PI4KB: variants seen among roughly 807,000 people sequenced by gnomAD.
PI4KB encodes the protein phosphatidylinositol 4-kinase beta.
In PI4KB, 23 loss-of-function variants were observed where a neutral mutation model predicts 81.4. The ratio of observed to expected loss-of-function variants is 0.28; its 90% CI spans 0.20 to 0.40. PI4KB has a LOEUF of 0.40. Among genes scored for constraint, PI4KB ranks in the 10% least tolerant of loss-of-function variants. The pLI, the probability that PI4KB is intolerant of heterozygous loss-of-function variation, is 1.00. For missense variants in PI4KB, 651 were observed against 1,036.6 expected (o/e 0.63, Z 5.11); for synonymous variants, 381 against 406.8 (o/e 0.94, Z 0.76).
At chr1:151,303,084 C>T (rs1399211796) in intron 6 of PI4KB, among the ~76,000 whole-genome samples, 5 of 150,194 alleles carry the variant, frequency 3.3e-5, no homozygotes, top group African/African-American at 9.8e-5. Flanking sequence ...CTGCAAGCTC[C>T]GCCTCCCGGG....
chr1:151,304,916 G>A (rs1321229999), intron 5 of PI4KB, among the ~76,000 whole-genome samples: 1 of 149,462 alleles, frequency 6.7e-6, no homozygotes, highest in Non-Finnish European at 1.5e-5. Context: ...TGCAACCTCC[G>A]CCTCCTGGGT....
At chr1:151,299,800 G>T (rs910462588) in intron 8 of PI4KB, among the ~76,000 whole-genome samples, 1 of 152,150 alleles carries the variant, frequency 6.6e-6, no homozygotes, top group Non-Finnish European at 1.5e-5. Context: ...TGGCTTGCAG[G>T]TGACCAACCC....
At chr1:151,295,595 T>C (rs587694549) in intron 9 of PI4KB, among the ~76,000 whole-genome samples, 78 of 152,358 alleles carry the variant, frequency 5.1e-4, no homozygotes, top group African/African-American at 1.6e-3. Flanking sequence ...AGGACTACTT[T>C]TGAAGCAGTT....
At chr1:151,310,293 G>A (rs750411681) in intron 2 of PI4KB, 38 bp from the exon 3 acceptor site, 12 of 1,227,534 alleles carry the variant, frequency 9.8e-6, no homozygotes, top group Non-Finnish European at 1.4e-5. Flanking sequence ...GAAGGAGGGG[G>A]TGGGAAGGGA....
At chr1:151,323,226 C>T (rs888504383) in intron 1 of PI4KB, among the ~76,000 whole-genome samples, 1 of 152,168 alleles carries the variant, frequency 6.6e-6, no homozygotes, top group Non-Finnish European at 1.5e-5. Flanking sequence ...AACAAATGGC[C>T]AGGTGCAGTG....
At position 151,324,959 on chromosome 1, in the gene PI4KB, G is replaced by T. The variant is rs972170678; in HGVS notation, c.-29+2312C>A. On this transcript the variant is annotated intron_variant, in intron 1 of 11. Coordinates refer to ENST00000368873, the MANE Select transcript of PI4KB (RefSeq NM_001369623.2). ...GAAATGAGAGGAAATATGATTTCTG[G>T]TTGGGGATGCTTCCAAGGAGGAAAG... 5 of 888,952 alleles carry T rather than the reference G, an allele frequency of 5.6e-6. No homozygotes were observed. The South Asian group carries it at 2.1e-4, about 37-fold the overall frequency. 55.1% of individuals were successfully genotyped at this position (888,952 alleles called of 1,614,324 possible). A position where few individuals can be genotyped will look rare whatever the true frequency, so the allele number is the denominator to read the frequency against.
At chr1:151,311,798 CAAGA>C (rs1696250701) in intron 2 of PI4KB, among the ~76,000 whole-genome samples, 1 of 152,176 alleles carries the variant, frequency 6.6e-6, no homozygotes. Flanking sequence ...AAAGATGAAG[CAAGA>C]AGCTGACATC....
chr1:151,297,126 G>GTTGTT, intron 9 of PI4KB, among the ~76,000 whole-genome samples: 1 of 152,178 alleles, frequency 6.6e-6, no homozygotes, highest in South Asian at 2.1e-4. Flanking sequence ...TAGCTAGCTA[G>GTTGTT]TTGTTTTGTT....
chr1:151,327,522 A>T (rs1293740571), upstream of PI4KB: 1 of 394,518 alleles, frequency 2.5e-6, no homozygotes, highest in Non-Finnish European at 4.5e-6. Context: ...GACCAAAAAA[A>T]TAATAAAATA....
intron 8 of PI4KB, 120 bp from the exon 9 acceptor site, chr1:151,299,193 T>A: frequency 1.1e-6 from 1 of 892,318 alleles, no homozygotes; most frequent in Non-Finnish European, 1.7e-6. Context: ...AGCCATCAAA[T>A]GAGTAAGACT....
rs1694625464 is a variant in PI4KB at position 151,294,548 on chromosome 1, A to C, written c.2016-7T>G. 6.2e-7 allele frequency: 1 copy of C among 1,613,862 alleles called. No homozygotes were observed. The highest frequency in any genetic ancestry group is 8.5e-7 in the Non-Finnish European group (1 of 1,179,904). ...AAGGATATTCCCATTGTGTCTGAGG[A>C]GGGGGAATAGAGGAGAGGAAGAGGC... On this transcript the variant is annotated splice_polypyrimidine_tract_variant and splice_region_variant and intron_variant, in intron 9 of 11. Transcript: ENST00000368873.
chr1:151,297,539 A>ATT (rs1181584273), intron 9 of PI4KB, among the ~76,000 whole-genome samples: 1 of 140,588 alleles, frequency 7.1e-6, no homozygotes. Context: ...ATATATATAA[A>ATT]TTTTTTTTTT....
Position 151,307,617 on chromosome 1 carries a change from C to T in PI4KB, c.1139G>A (p.Arg380His). 1 of 1,613,916 alleles carries T rather than the reference C, an allele frequency of 6.2e-7. No homozygotes were observed. Among genetic ancestry groups the T allele is most frequent in the Non-Finnish European group, 8.5e-7 (1 of 1,179,812 alleles). The change falls in exon 4 of 12, where the codon CGT becomes CAT. Residue 380 changes from arginine to histidine, a missense_variant. Coordinates refer to ENST00000368873, the MANE Select transcript of PI4KB (RefSeq NM_001369623.2). ...GACAACAGCCTGTGTGTGGGGTACA[C>T]GGACCACGTGGTGGTCAAAGCCAGC... is the stretch of plus-strand genomic sequence containing the variant. Reference protein sequence around the residue: ...PTAGFDHHVVRVPHTQAVVLN... With the variant: ...PTAGFDHHVVHVPHTQAVVLN...
chr1:151,324,519 CA>C (rs1045475005), intron 1 of PI4KB, among the ~76,000 whole-genome samples: 1 of 152,172 alleles, frequency 6.6e-6, no homozygotes, highest in Non-Finnish European at 1.5e-5. Context: ...ACTGCTGACA[CA>C]AGGGCCCAGA....
In PI4KB at chr1:151,306,323, T is replaced by G; in HGVS notation, c.1223A>C (p.Asn408Thr). The change falls in exon 5 of 12, where the codon AAC (asparagine) becomes ACC (threonine). Residue 408 changes from asparagine (N) to threonine (T), a missense_variant. Around this residue, in one of 5 missense-constraint regions of PI4KB, gnomAD observed 246 missense variants for 430.1 expected, o/e 0.57. Transcript: ENST00000368873. ...LIYVEVLECE[N>T]FDTTSVPARI... ...GGCAGGGACACTGGTGGTGTCAAAG[T>G]TTTCACATTCAAGGACTTCCACATA... is the stretch of plus-strand genomic sequence containing the variant. The G allele has an allele frequency of 6.2e-7, 1 of 1,614,066 alleles. No individual in the cohort carries two copies. Among genetic ancestry groups the G allele is most frequent in the Non-Finnish European group, 8.5e-7 (1 of 1,179,976 alleles).
chr1:151,292,805 A>G lies in PI4KB; in HGVS notation c.*47T>C. The G allele has an allele frequency of 1.3e-6, 2 of 1,572,458 alleles. No individual in the cohort carries two copies. The highest frequency in any genetic ancestry group is 1.7e-6 in the Non-Finnish European group (2 of 1,148,554). On this transcript the variant is annotated 3_prime_UTR_variant, in exon 12 of 12. Transcript: ENST00000368873. ...GGGGTTTCTCAGACAAGGGCCCTCT[A>G]GGGAGGGTGCCCTGGACCCCCCACC...
rs1375821240 is a variant in PI4KB, at chr1:151,303,602, C to T, written c.1459G>A (p.Val487Met). The change falls in exon 6 of 12, where the codon GTG becomes ATG. Residue 487 changes from valine to methionine, a missense_variant. Around this residue, in one of 5 missense-constraint regions of PI4KB, gnomAD observed 246 missense variants for 430.1 expected, o/e 0.57. Transcript: ENST00000368873. ...CTCTCCTGGCTGGTGATGCTGTCCACAGAGAACTGGGAGATGTTGTCACAG... is the reference window on the plus strand; with the variant it reads ...CTCTCCTGGCTGGTGATGCTGTCCATAGAGAACTGGGAGATGTTGTCACAG... The part of the protein sequence containing the change: ...NSCDNISQFS[V>M]DSITSQESKE... 2 of 1,614,118 alleles carry T rather than the reference C, an allele frequency of 1.2e-6. No individual in the cohort carries two copies. Among genetic ancestry groups the T allele is most frequent in the East Asian group, 2.2e-5 (1 of 44,880 alleles).
chr1:151,319,985 C>T (rs1463245319), intron 1 of PI4KB, among the ~76,000 whole-genome samples: 2 of 152,168 alleles, frequency 1.3e-5, no homozygotes, highest in African/African-American at 4.8e-5. Flanking sequence ...GGCTGTTTTC[C>T]ACCACCACCC....
intron 1 of PI4KB, chr1:151,326,077 T>C: frequency 8.5e-7 from 1 of 1,181,770 alleles, no homozygotes; most frequent in Non-Finnish European, 1.3e-6. Flanking sequence ...ATAAACTGAT[T>C]CCTCATGGAT....
Sources: allele counts gnomAD v4.1 joint callset (sites outside exome capture counted in the v4.1 genomes callset), GRCh38; gene constraint gnomAD v4.1.1; regional missense constraint gnomAD v4.1.1; transcripts MANE v1.5; gene names NCBI Gene and HGNC (gene_info 2026-07-23, HGNC 2026-07-21).